The following LINGO2 variants were observed in gnomAD, a reference collection of about 807,000 sequenced individuals.
LINGO2 encodes the protein leucine-rich repeat and immunoglobulin-like domain-containing nogo receptor-interacting protein 2.
Under a neutral mutation model 30.6 loss-of-function variants are expected in LINGO2, and 14 were observed. That is an observed-to-expected ratio of 0.46 (90% CI 0.30 to 0.72). The LOEUF is 0.72. Ranked by LOEUF, LINGO2 falls within the 30% of genes least tolerant of loss-of-function variation. The pLI is 0.07. For missense variants in LINGO2, 729 were observed against 751.7 expected (o/e 0.97, Z 0.35); for synonymous variants, 317 against 288.5 (o/e 1.10, Z -1.00).
At chr9:28,811,354 C>T in the LINGO2 span, among the ~76,000 whole-genome samples, 1 of 152,096 alleles carries the variant, frequency 6.6e-6, no homozygotes, top group Non-Finnish European at 1.5e-5. Context: ...TTCCCAGAAT[C>T]CATTTTGGTT....
intron 4 of LINGO2, among the ~76,000 whole-genome samples, chr9:28,055,832 G>A (rs1190525195): frequency 6.6e-6 from 1 of 152,046 alleles, no homozygotes; most frequent in Non-Finnish European, 1.5e-5. Context: ...AAGTCTTCTT[G>A]CTTAGTCTGT....
At chr9:29,090,182 C>A in the LINGO2 span, among the ~76,000 whole-genome samples, 1 of 151,970 alleles carries the variant, frequency 6.6e-6, no homozygotes, top group Non-Finnish European at 1.5e-5. Flanking sequence ...AATATAACCC[C>A]TGCTTGCATG....
intron 2 of LINGO2, among the ~76,000 whole-genome samples, chr9:28,381,144 G>A (rs1401555162): frequency 1.3e-5 from 2 of 151,902 alleles, no homozygotes; most frequent in Non-Finnish European, 2.9e-5. Context: ...TTGGGTTCAG[G>A]GAGAAAGCCA....
intron 3 of LINGO2, among the ~76,000 whole-genome samples, chr9:28,360,208 A>T (rs181188748): frequency 6.6e-6 from 1 of 152,282 alleles, no homozygotes; most frequent in East Asian, 1.9e-4. Context: ...TTTTTGTTAA[A>T]ATGAGAAAAA....
At chr9:28,173,977 C>A (rs1828673070) in intron 4 of LINGO2, among the ~76,000 whole-genome samples, 1 of 151,944 alleles carries the variant, frequency 6.6e-6, no homozygotes, top group Non-Finnish European at 1.5e-5. Flanking sequence ...GAGGTTATAT[C>A]CAAACTGAAA....
At chr9:28,175,762 C>A (rs1013567620) in intron 4 of LINGO2, among the ~76,000 whole-genome samples, 1 of 152,114 alleles carries the variant, frequency 6.6e-6, no homozygotes, top group African/African-American at 2.4e-5. Context: ...AGGAAGATTT[C>A]AAGTCCTGTT....
intron 5 of LINGO2, among the ~76,000 whole-genome samples, chr9:27,998,788 C>CA (rs989562675): frequency 8.6e-5 from 13 of 151,802 alleles, no homozygotes; most frequent in South Asian, 2.1e-4. Flanking sequence ...GAGACTGTCT[C>CA]AAAAAAACAG....
intron 5 of LINGO2, among the ~76,000 whole-genome samples, chr9:27,962,550 C>A (rs146298002): frequency 9.2e-4 from 140 of 152,252 alleles, no homozygotes; most frequent in Non-Finnish European, 1.6e-3. Flanking sequence ...CTGCTCCCCC[C>A]CTTCTACGAC....
the LINGO2 span, among the ~76,000 whole-genome samples, chr9:28,738,255 C>G: frequency 6.6e-6 from 1 of 152,100 alleles, no homozygotes; most frequent in Non-Finnish European, 1.5e-5. Flanking sequence ...TCTATCCCTG[C>G]CTCAGGTACT....
the LINGO2 span, among the ~76,000 whole-genome samples, chr9:29,042,299 T>C: frequency 6.6e-5 from 10 of 151,926 alleles, no homozygotes. Flanking sequence ...ACTTCTGAAA[T>C]TTAACATGCA....
At chr9:28,037,820 C>A (rs1195582189) in intron 4 of LINGO2, among the ~76,000 whole-genome samples, 2 of 152,212 alleles carry the variant, frequency 1.3e-5, no homozygotes, top group Non-Finnish European at 2.9e-5. Context: ...AAGACACAAC[C>A]TCTTAAAACA....
intron 1 of LINGO2, among the ~76,000 whole-genome samples, chr9:28,633,564 C>G (rs1827103041): frequency 6.6e-6 from 1 of 152,110 alleles, no homozygotes; most frequent in Non-Finnish European, 1.5e-5. Flanking sequence ...TGTGTCTTTT[C>G]AGTAACATGT....
At chr9:28,940,524 T>C in the LINGO2 span, among the ~76,000 whole-genome samples, 1 of 152,194 alleles carries the variant, frequency 6.6e-6, no homozygotes, top group South Asian at 2.1e-4. Flanking sequence ...TGAGCTATTA[T>C]ACACCTTGAG....
In LINGO2 at chr9:28,423,873, T is replaced by C. The variant is rs1564190407; in HGVS notation, c.-278-51005A>G. 1.3e-5 allele frequency among the ~76,000 whole-genome samples: 2 copies of C among 152,166 alleles called. 1 individual carries two copies. Among genetic ancestry groups the C allele is most frequent in the South Asian group, 4.1e-4 (2 of 4,836 alleles). ...AGAATGATGGAGTGTTTTAAAATTA[T>C]TATCTTTAAATGTGGTCTTCCAATA... On this transcript the variant is annotated intron_variant, in intron 2 of 5. Coordinates refer to ENST00000379992, the Ensembl canonical transcript of LINGO2.
At chr9:28,189,645 GAGGGAGGA>G (rs1564029376) in intron 4 of LINGO2, among the ~76,000 whole-genome samples, 18 of 3,322 alleles carry the variant, frequency 5.4e-3, no homozygotes, top group Non-Finnish European at 6.4e-3. Context: ...GGAAGGAAGG[GAGGGAGGA>G]AGGAAGGAAG....
intron 4 of LINGO2, among the ~76,000 whole-genome samples, chr9:28,249,067 C>G (rs1822103845): frequency 6.6e-6 from 1 of 152,042 alleles, no homozygotes; most frequent in Non-Finnish European, 1.5e-5. Context: ...GTGTAGAGTC[C>G]TATATTTACT....
chr9:28,553,909 G>A (rs573657422), intron 1 of LINGO2, among the ~76,000 whole-genome samples: 21 of 152,116 alleles, frequency 1.4e-4, no homozygotes, highest in Admixed American at 5.9e-4. Flanking sequence ...AGCTTCATAA[G>A]TGAAGGAGAA....
intron 5 of LINGO2, among the ~76,000 whole-genome samples, chr9:28,003,663 A>T (rs574053580): frequency 6.6e-6 from 1 of 152,126 alleles, no homozygotes; most frequent in Non-Finnish European, 1.5e-5. Context: ...GGGTTTCACC[A>T]TGTTAGCCAG....
At chr9:28,375,236 G>A (rs16912782) in intron 2 of LINGO2, among the ~76,000 whole-genome samples, 77,084 of 151,958 alleles carry the variant, frequency 0.51, 20,964 homozygotes, top group Non-Finnish European at 0.59. Context: ...CTGAAAATGT[G>A]GATGAGCTGT....
Sources: gnomAD v4.1 joint callset for allele counts (sites outside exome capture counted in the v4.1 genomes callset) on GRCh38, gnomAD v4.1.1 for gene constraint, MANE v1.5 for transcripts, NCBI Gene and HGNC (gene_info 2026-07-23, HGNC 2026-07-21) for gene names.